Variants in PDE6A observed in about 807,000 individuals in gnomAD.
The protein encoded by PDE6A is rod cGMP-specific 3',5'-cyclic phosphodiesterase subunit alpha.
A neutral mutation model predicts 106.3 loss-of-function variants in PDE6A; 84 were observed. The observed-to-expected ratio is 0.79, with a 90% CI of 0.66 to 0.95. The LOEUF is 0.95. Among genes scored for constraint, PDE6A ranks in the 40% least tolerant of loss-of-function variants. The pLI is 0.00. For missense variants in PDE6A, 1,052 were observed against 1,084.9 expected (o/e 0.97, Z 0.43); for synonymous variants, 394 against 386.6 (o/e 1.02, Z -0.23).
At position 149,934,684 on chromosome 5, in the gene PDE6A, G is replaced by A. The variant is rs767680793; in HGVS notation, c.509C>T (p.Thr170Ile). The change falls in exon 2 of 22, where the codon ACA becomes ATA. Residue 170 changes from threonine to isoleucine, a missense_variant. By Grantham distance (89) the Thr-to-Ile change is moderately conservative. Around this residue, in one of 3 missense-constraint regions of PDE6A, gnomAD observed 913 missense variants for 915.2 expected, o/e 1.00. Transcript: ENST00000255266. ...CAAGATGTTCTTGGTCTTGTACTCT[G>A]TGAGGATGTCCACAAAGTCACAGAA... ...EHFCDFVDILTEYKTKNILAS... is the reference protein window; with the variant it reads ...EHFCDFVDILIEYKTKNILAS... 1.2e-6 allele frequency: 2 copies of A among 1,614,038 alleles called. No individual in the cohort carries two copies. Among genetic ancestry groups the A allele is most frequent in the East Asian group, 4.5e-5 (2 of 44,880 alleles).
chr5:149,869,854 G>A (rs1760473542), intron 17 of PDE6A, among the ~76,000 whole-genome samples: 1 of 152,138 alleles, frequency 6.6e-6, no homozygotes, highest in Non-Finnish European at 1.5e-5. Context: ...AGAGGGAGGA[G>A]TGAGAGAAGG....
intron 4 of PDE6A, 96 bp downstream of exon 4, chr5:149,930,932 T>C: frequency 7.9e-7 from 1 of 1,258,614 alleles, no homozygotes; most frequent in South Asian, 1.2e-5. Flanking sequence ...ACCCAGCCTC[T>C]TCCCCCGTGC....
At position 149,886,289 on chromosome 5, in the gene PDE6A, C is replaced by T. The variant is rs573153907; in HGVS notation, c.1814G>A (p.Gly605Asp). The T allele has an allele frequency of 1.4e-5, 22 of 1,613,600 alleles. No homozygotes were observed. In the African/African-American group the frequency reaches 2.4e-4, roughly 18 times the overall value. ...AAFCHDIDHR[G>D]TNNLYQMKSQ... ...CTTCATCTGGTAGAGGTTATTGGTG[C>T]CTCTGTGGTCAATGTCATGGCAGAA... is the stretch of plus-strand genomic sequence containing the variant. The change falls in exon 14 of 22, where the codon GGC becomes GAC. Residue 605 changes from glycine (G) to aspartate (D), a missense_variant. Physicochemically the swap from Gly to Asp is moderately conservative, Grantham distance 94 (BLOSUM62 -1). This residue lies in a region of PDE6A where 913 missense variants were observed against 915.2 expected (regional missense o/e 1.00). Transcript: ENST00000255266.
chr5:149,896,556 C>T (rs1752759250), intron 11 of PDE6A, 54 bp from the exon 12 acceptor site: 2 of 1,613,838 alleles, frequency 1.2e-6, no homozygotes, highest in Non-Finnish European at 1.7e-6. Context: ...TTCTGGGTGC[C>T]CACCTCCTGT....
Position 149,896,781 on chromosome 5 carries a change from C to T in PDE6A, c.1408-5G>A. 1 of 1,614,118 alleles carries T rather than the reference C, an allele frequency of 6.2e-7. No individual in the cohort carries two copies. ...CCCATACACCTCTCTGGTTTTCTGC[C>T]AGGACCCAAAATGGCAGGGGAAAAA... On this transcript the variant is annotated splice_region_variant and splice_polypyrimidine_tract_variant and intron_variant, in intron 10 of 21. Coordinates refer to ENST00000255266, the MANE Select transcript of PDE6A (RefSeq NM_000440.3).
intron 1 of PDE6A, among the ~76,000 whole-genome samples, chr5:149,941,369 G>C (rs953170970): frequency 6.6e-6 from 1 of 152,208 alleles, no homozygotes; most frequent in Admixed American, 6.5e-5. Flanking sequence ...GTTGGCCTGG[G>C]CAGAGGGCTA....
chr5:149,932,556 T>C, intron 3 of PDE6A: 1 of 1,469,128 alleles, frequency 6.8e-7, no homozygotes, highest in Non-Finnish European at 9.5e-7. Context: ...TTGGAATCCC[T>C]GTTCCAGGTT....
chr5:149,925,920 A>G (rs564709500), intron 4 of PDE6A, among the ~76,000 whole-genome samples: 10 of 152,276 alleles, frequency 6.6e-5, no homozygotes, highest in African/African-American at 2.4e-4. Flanking sequence ...AAATTAAGAC[A>G]GGATAGTATT....
In PDE6A at chr5:149,859,995, C is replaced by T. The variant is rs928705062; in HGVS notation, c.*900G>A. The T allele has an allele frequency of 8.5e-5, 13 of 152,228 alleles. No homozygotes were observed. Among genetic ancestry groups the T allele is most frequent in the African/African-American group, 3.1e-4 (13 of 41,428 alleles). 9.4% of individuals were successfully genotyped at this position (152,228 alleles called of 1,614,324 possible). On this transcript the variant is annotated 3_prime_UTR_variant, in exon 22 of 22. Coordinates refer to ENST00000255266, the MANE Select transcript of PDE6A (RefSeq NM_000440.3). ...TCTCAGCTCACTGCAACTTCCGCCT[C>T]CTGGGTTCAAGAGATCCTCTCACCT...
intron 12 of PDE6A, among the ~76,000 whole-genome samples, chr5:149,895,767 CTG>C (rs768366395): frequency 2.7e-5 from 4 of 150,632 alleles, no homozygotes; most frequent in Non-Finnish European, 4.4e-5. Context: ...GTGTGTGTGT[CTG>C]TGTGTGTGAG....
At chr5:149,930,037 C>T (rs1219218581) in intron 4 of PDE6A, among the ~76,000 whole-genome samples, 1 of 152,148 alleles carries the variant, frequency 6.6e-6, no homozygotes, top group Non-Finnish European at 1.5e-5. Flanking sequence ...CCTGGGATTA[C>T]AGGTGTGAGC....
intron 3 of PDE6A, 88 bp downstream of exon 3, chr5:149,933,842 T>A (rs1018732176): frequency 2.1e-6 from 2 of 934,360 alleles, no homozygotes; most frequent in Non-Finnish European, 3.4e-6. Context: ...CTAGGCACCT[T>A]CATTCCCATC....
intron 19 of PDE6A, 61 bp from the exon 20 acceptor site, chr5:149,866,314 G>A (rs1760330198): frequency 8.5e-7 from 1 of 1,179,222 alleles, no homozygotes; most frequent in Admixed American, 1.7e-5. Context: ...CCCTATCTAT[G>A]AAGCATTCTT....
At chr5:149,888,045 G>GAGGATCGCTTGAGCCCAGGAGGTCA (rs1752381579) in intron 13 of PDE6A, among the ~76,000 whole-genome samples, 3 of 152,138 alleles carry the variant, frequency 2.0e-5, no homozygotes, top group African/African-American at 7.2e-5. Flanking sequence ...GGTGAGGTGG[G>GAGGATCGCTTGAGCCCAGGAGGTCA]AGGATCGCTT....
chr5:149,876,779 T>A (rs1009767347), intron 17 of PDE6A, among the ~76,000 whole-genome samples: 2 of 152,136 alleles, frequency 1.3e-5, no homozygotes, highest in Admixed American at 1.3e-4. Context: ...CATGCCCAGT[T>A]CCTATTTTTA....
chr5:149,937,995 T>C (rs1754231519), intron 1 of PDE6A, among the ~76,000 whole-genome samples: 1 of 152,214 alleles, frequency 6.6e-6, no homozygotes. Context: ...TTCATTCATA[T>C]TCATTGAGCA....
chr5:149,887,869 C>G (rs1323612007), intron 13 of PDE6A, among the ~76,000 whole-genome samples: 1 of 152,124 alleles, frequency 6.6e-6, no homozygotes, highest in African/African-American at 2.4e-5. Flanking sequence ...GTACCACCAG[C>G]CTGTAAGCAG....
intron 19 of PDE6A, 77 bp downstream of exon 19, chr5:149,867,648 C>T: frequency 1.6e-6 from 2 of 1,256,074 alleles, no homozygotes; most frequent in South Asian, 2.4e-5. Context: ...CACATCTCTC[C>T]ATCATGGCGA....
At chr5:149,874,390 C>T (rs1581156133) in intron 17 of PDE6A, among the ~76,000 whole-genome samples, 1 of 152,074 alleles carries the variant, frequency 6.6e-6, no homozygotes, top group South Asian at 2.1e-4. Context: ...CAGGGAAACA[C>T]TTTACTTACA....
Sources: allele counts gnomAD v4.1 joint callset (sites outside exome capture counted in the v4.1 genomes callset), GRCh38; gene constraint gnomAD v4.1.1; regional missense constraint gnomAD v4.1.1; transcripts MANE v1.5; gene names NCBI Gene and HGNC (gene_info 2026-07-23, HGNC 2026-07-21).